CREB5: variants seen among roughly 807,000 people sequenced by gnomAD.
The protein encoded by CREB5 is cAMP responsive element binding protein 5.
CREB5 carries 19 observed loss-of-function variants against 57.1 expected under a neutral mutation model. The ratio of observed to expected loss-of-function variants is 0.33; its 90% confidence interval spans 0.23 to 0.49. CREB5 has a LOEUF of 0.49. Ranked by LOEUF, CREB5 falls within the 20% of genes least tolerant of loss-of-function variation. CREB5 has a pLI of 0.99. For synonymous variants in CREB5, 238 were observed against 238.3 expected (o/e 1.00, Z 0.01); for missense variants, 579 against 671.6 (o/e 0.86, Z 1.52).
chr7:28,459,106 T>C (rs912969589), intron 1 of CREB5, among the ~76,000 whole-genome samples: 1 of 152,076 alleles, frequency 6.6e-6, no homozygotes, highest in Non-Finnish European at 1.5e-5. Flanking sequence ...CCAGTGACCA[T>C]CCACTAACGC....
chr7:28,372,629 T>C (rs746738789), intron 1 of CREB5, among the ~76,000 whole-genome samples: 1 of 152,202 alleles, frequency 6.6e-6, no homozygotes, highest in African/African-American at 2.4e-5. Flanking sequence ...TATTATAGAT[T>C]GGTATTAAGG....
chr7:28,460,935 C>A (rs866233906), intron 1 of CREB5, among the ~76,000 whole-genome samples: 1 of 151,946 alleles, frequency 6.6e-6, no homozygotes, highest in Non-Finnish European at 1.5e-5. Flanking sequence ...TGGCTTGTGC[C>A]TATAGTCCTA....
chr7:28,431,404 C>T (rs1361128307), intron 1 of CREB5, among the ~76,000 whole-genome samples: 2 of 152,114 alleles, frequency 1.3e-5, no homozygotes, highest in African/African-American at 2.4e-5. Context: ...CACCATTGTT[C>T]CCCCAAGACA....
intron 5 of CREB5, among the ~76,000 whole-genome samples, chr7:28,579,348 G>A (rs1208453836): frequency 6.6e-6 from 1 of 152,140 alleles, no homozygotes; most frequent in Admixed American, 6.5e-5. Context: ...CATTTGCCAG[G>A]TATGTTGTGC....
At chr7:28,560,927 TGCGTGTGTGCGTGC>T (rs1562797901) in intron 4 of CREB5, among the ~76,000 whole-genome samples, 10 of 57,600 alleles carry the variant, frequency 1.7e-4, no homozygotes, top group Non-Finnish European at 2.2e-4. Flanking sequence ...TGTGTGCGCG[TGCGTGTGTGCGTGC>T]GTGTGTGTGC....
intron 1 of CREB5, among the ~76,000 whole-genome samples, chr7:28,383,177 C>T (rs73684319): frequency 5.3e-5 from 8 of 152,064 alleles, no homozygotes; most frequent in African/African-American, 1.7e-4. Context: ...TTGGTGGATT[C>T]GTGTTAGGCA....
chr7:28,637,840 A>AT (rs1798485291), intron 5 of CREB5, among the ~76,000 whole-genome samples: 1 of 152,218 alleles, frequency 6.6e-6, no homozygotes, highest in East Asian at 1.9e-4. Flanking sequence ...GTTATTTTTT[A>AT]TTTTTTACTG....
chr7:28,585,506 T>G, intron 5 of CREB5, among the ~76,000 whole-genome samples: 1 of 151,782 alleles, frequency 6.6e-6, no homozygotes, highest in African/African-American at 2.4e-5. Flanking sequence ...CCGATCAGAG[T>G]TTTAACTGCT....
intron 7 of CREB5, among the ~76,000 whole-genome samples, chr7:28,763,309 C>T (rs183915290): frequency 4.5e-4 from 69 of 152,216 alleles, no homozygotes; most frequent in African/African-American, 1.5e-3. Flanking sequence ...TACACAAGTG[C>T]CTGTTTCTTT....
chr7:28,516,508 T>A (rs1792962087), intron 4 of CREB5, among the ~76,000 whole-genome samples: 4 of 152,154 alleles, frequency 2.6e-5, no homozygotes, highest in Admixed American at 2.6e-4. Context: ...AGTGCAGCCC[T>A]GAAGCTCCGC....
At chr7:28,603,840 C>A (rs1797015450) in intron 5 of CREB5, among the ~76,000 whole-genome samples, 1 of 152,098 alleles carries the variant, frequency 6.6e-6, no homozygotes, top group South Asian at 2.1e-4. Context: ...CTTTAGGTAA[C>A]ATAAAAGTAT....
chr7:28,460,427 A>C (rs1160210546), intron 1 of CREB5, among the ~76,000 whole-genome samples: 1 of 152,222 alleles, frequency 6.6e-6, no homozygotes, highest in African/African-American at 2.4e-5. Context: ...TGAGGCACAA[A>C]GAGACGAAGC....
At chr7:28,643,505 A>G (rs1197115798) in intron 5 of CREB5, among the ~76,000 whole-genome samples, 1 of 152,150 alleles carries the variant, frequency 6.6e-6, no homozygotes, top group African/African-American at 2.4e-5. Context: ...ACAGATAGAT[A>G]CACATCCTTT....
At chr7:28,812,616 A>G (rs899034323) in intron 9 of CREB5, among the ~76,000 whole-genome samples, 1 of 152,170 alleles carries the variant, frequency 6.6e-6, no homozygotes. Flanking sequence ...AACAGACTAA[A>G]TTGTTGATAT....
rs1334183723 is a variant in CREB5 at position 28,823,966 on chromosome 7, T to A, written c.*4687T>A. 6.6e-6 allele frequency: 1 copy of A among 152,646 alleles called. No individual in the cohort carries two copies. The allele number at this position is 152,646 out of a possible 1,614,324, so 9.5% of individuals were successfully genotyped here. ...TTATATTTAAAAATTGCACTTTAGC[T>A]TTTTGATCCCTTTGTATTTCTCTTA... On this transcript the variant is annotated 3_prime_UTR_variant, in exon 11 of 11. Transcript: ENST00000357727.
chr7:28,478,126 C>G (rs1425324840), intron 1 of CREB5, among the ~76,000 whole-genome samples: 1 of 152,110 alleles, frequency 6.6e-6, no homozygotes, highest in East Asian at 1.9e-4. Flanking sequence ...GACAAACAAA[C>G]AAACCCCGCA....
chr7:28,749,978 A>C (rs1480521205), intron 7 of CREB5, among the ~76,000 whole-genome samples: 3 of 152,128 alleles, frequency 2.0e-5, no homozygotes, highest in African/African-American at 7.2e-5. Context: ...TATCTTTTCT[A>C]GATATAATAT....
intron 1 of CREB5, among the ~76,000 whole-genome samples, chr7:28,463,006 C>G (rs1026656149): frequency 6.6e-6 from 1 of 151,714 alleles, no homozygotes; most frequent in African/African-American, 2.4e-5. Flanking sequence ...TATTTTTTGC[C>G]AAATCCAAGA....
chr7:28,647,694 A>G (rs971552212), intron 5 of CREB5, among the ~76,000 whole-genome samples: 16 of 152,300 alleles, frequency 1.1e-4, no homozygotes, highest in African/African-American at 3.8e-4. Context: ...TTATTTCTTT[A>G]ATGTAGGTCA....
Sources: allele counts gnomAD v4.1 joint callset (sites outside exome capture counted in the v4.1 genomes callset), GRCh38; gene constraint gnomAD v4.1.1; transcripts MANE v1.5; gene names NCBI Gene and HGNC (gene_info 2026-07-23, HGNC 2026-07-21).